WWOX: variants seen among roughly 807,000 people sequenced by gnomAD.
The protein encoded by WWOX is WW domain containing oxidoreductase.
A neutral mutation model predicts 46.2 loss-of-function variants in WWOX; 69 were observed. The observed-to-expected ratio is 1.49, with a 90% confidence interval of 1.23 to 1.82. The LOEUF (loss-of-function observed/expected upper bound fraction) is 1.82. Ranked by LOEUF, WWOX falls within the 40% of genes most tolerant of loss-of-function variation. WWOX has a pLI of 0.00. For synonymous variants in WWOX, 359 were observed against 202.6 expected, an observed-to-expected ratio of 1.77 and a Z score of -6.56; for missense variants, 919 against 542.6, an observed-to-expected ratio of 1.69 and a Z score of -6.89.
intron 8 of WWOX, among the ~76,000 whole-genome samples, chr16:78,946,775 C>G (rs2045957128): frequency 7.9e-6 from 1 of 127,324 alleles, no homozygotes; most frequent in African/African-American, 5.4e-5. Flanking sequence ...GGCAGTGAGC[C>G]CCCGGGGGAG....
chr16:78,750,920 G>A (rs2049461619), intron 8 of WWOX, among the ~76,000 whole-genome samples: 1 of 152,122 alleles, frequency 6.6e-6, no homozygotes, highest in African/African-American at 2.4e-5. Flanking sequence ...ATGATTCCAT[G>A]TCTTTGCTGT....
chr16:79,010,819 G>T (rs145388289), intron 8 of WWOX, among the ~76,000 whole-genome samples: 1 of 151,536 alleles, frequency 6.6e-6, no homozygotes, highest in Non-Finnish European at 1.5e-5. Flanking sequence ...CTGGGGCGGG[G>T]GTGGGGGTTC....
chr16:78,326,904 C>G (rs1349476064), intron 5 of WWOX, among the ~76,000 whole-genome samples: 1 of 152,136 alleles, frequency 6.6e-6, no homozygotes, highest in Non-Finnish European at 1.5e-5. Context: ...ACTGAAGTTT[C>G]TCACCATGGA....
chr16:79,196,532 C>T (rs1458589430), intron 8 of WWOX: 1 of 152,194 alleles, frequency 6.6e-6, no homozygotes, highest in East Asian at 1.9e-4. Flanking sequence ...TCGGACCCAA[C>T]TTCCATTAAT....
chr16:79,028,186 T>A (rs1381444927), intron 8 of WWOX, among the ~76,000 whole-genome samples: 1 of 151,746 alleles, frequency 6.6e-6, no homozygotes, highest in African/African-American at 2.4e-5. Context: ...CCTGACCTCA[T>A]GATCCACCTG....
At chr16:78,928,757 G>T (rs2045557557) in intron 8 of WWOX, among the ~76,000 whole-genome samples, 1 of 152,124 alleles carries the variant, frequency 6.6e-6, no homozygotes, top group South Asian at 2.1e-4. Context: ...GTGTTTCTGT[G>T]ATGTGTATAA....
At chr16:78,278,666 GA>G (rs747963531) in intron 5 of WWOX, 1 of 1,605,970 alleles carries the variant, frequency 6.2e-7, no homozygotes, top group Non-Finnish European at 8.5e-7. Context: ...GCAAAAGAAG[GA>G]AAAAATAAAA....
intron 5 of WWOX, among the ~76,000 whole-genome samples, chr16:78,164,544 C>G (rs2034910005): frequency 6.6e-6 from 1 of 152,170 alleles, no homozygotes; most frequent in South Asian, 2.1e-4. Flanking sequence ...CTTCCTTTAA[C>G]TCATTTATTA....
chr16:78,131,899 T>C (rs1194457845), intron 4 of WWOX, among the ~76,000 whole-genome samples: 1 of 151,166 alleles, frequency 6.6e-6, no homozygotes, highest in Non-Finnish European at 1.5e-5. Flanking sequence ...TTTTTTTTTT[T>C]CATACTTGAG....
At chr16:78,624,482 A>G (rs1597364276) in intron 8 of WWOX, among the ~76,000 whole-genome samples, 2 of 152,180 alleles carry the variant, frequency 1.3e-5, no homozygotes, top group Non-Finnish European at 2.9e-5. Context: ...CAATAAGAAA[A>G]CCATTCAAAT....
chr16:78,942,496 T>C (rs1340422610), intron 8 of WWOX, among the ~76,000 whole-genome samples: 1 of 151,970 alleles, frequency 6.6e-6, no homozygotes, highest in Non-Finnish European at 1.5e-5. Context: ...AGAAGAAAAA[T>C]TGATTCCCGT....
chr16:78,633,038 G>A (rs1247520179), intron 8 of WWOX, among the ~76,000 whole-genome samples: 1 of 152,056 alleles, frequency 6.6e-6, no homozygotes, highest in African/African-American at 2.4e-5. Context: ...TGAGGTGGGT[G>A]GATCACTTGA....
intron 8 of WWOX, among the ~76,000 whole-genome samples, chr16:78,990,836 G>A (rs908665175): frequency 3.3e-5 from 5 of 152,156 alleles, no homozygotes; most frequent in Admixed American, 2.0e-4. Flanking sequence ...GACTGAATTT[G>A]TCTCTGTGTT....
chr16:78,359,471 G>A (rs909274038), intron 5 of WWOX, among the ~76,000 whole-genome samples: 5 of 152,018 alleles, frequency 3.3e-5, no homozygotes, highest in Non-Finnish European at 5.9e-5. Context: ...ATAAAGGATC[G>A]ATAGTTGGTA....
chr16:78,575,043 ATATATATATAT>A (rs2044831426), intron 8 of WWOX, among the ~76,000 whole-genome samples: 2 of 5,498 alleles, frequency 3.6e-4, no homozygotes, highest in South Asian at 7.1e-3. Flanking sequence ...ATATATATAT[ATATATATATAT>A]ATATATATAT....
chr16:78,849,513 G>T (rs1399301692), intron 8 of WWOX, among the ~76,000 whole-genome samples: 1 of 146,178 alleles, frequency 6.8e-6, no homozygotes, highest in African/African-American at 2.5e-5. Context: ...GGCGGAGCTT[G>T]CAGTGAGCGG....
chr16:78,684,956 A>T (rs1054303839), intron 8 of WWOX, among the ~76,000 whole-genome samples: 1 of 152,144 alleles, frequency 6.6e-6, no homozygotes, highest in Admixed American at 6.5e-5. Flanking sequence ...TGTCTGCAAA[A>T]TTGCATCGTG....
intron 8 of WWOX, among the ~76,000 whole-genome samples, chr16:79,146,895 C>G (rs371664856): frequency 2.6e-5 from 4 of 152,294 alleles, no homozygotes; most frequent in East Asian, 3.9e-4. Context: ...TGTGTCCCTT[C>G]ATGTCTAGTT....
chr16:79,211,508 C>G (rs1437049968), intron 8 of WWOX, 100 bp from the exon 9 acceptor site: 9 of 1,487,474 alleles, frequency 6.1e-6, no homozygotes, highest in East Asian at 2.3e-5. Flanking sequence ...GAAACTGAAC[C>G]AGGTGGGGGA....
Sources: allele counts gnomAD v4.1 joint callset (sites outside exome capture counted in the v4.1 genomes callset), GRCh38; gene constraint gnomAD v4.1.1; transcripts MANE v1.5; gene names NCBI Gene and HGNC (gene_info 2026-07-23, HGNC 2026-07-21).